PARD3: variants seen among roughly 807,000 people sequenced by gnomAD.
PARD3 encodes the protein par-3 family cell polarity regulator.
Under a neutral mutation model 155.4 loss-of-function variants are expected in PARD3, and 75 were observed. The observed-to-expected ratio is 0.48, with a 90% CI of 0.40 to 0.58. PARD3 has a LOEUF of 0.58. Ranked by LOEUF, PARD3 falls within the 20% of genes least tolerant of loss-of-function variation. The pLI is 0.00. For missense variants in PARD3, 1,642 were observed against 1,721.7 expected (o/e 0.95, Z 0.82); for synonymous variants, 576 against 610.5 (o/e 0.94, Z 0.83).
chr10:34,785,795 T>C (rs1020311435), intron 1 of PARD3, among the ~76,000 whole-genome samples: 1 of 152,086 alleles, frequency 6.6e-6, no homozygotes, highest in Non-Finnish European at 1.5e-5. Flanking sequence ...TATCTAGACA[T>C]TAGGAAACTT....
chr10:34,451,393 G>A (rs2077047694), intron 4 of PARD3, among the ~76,000 whole-genome samples: 2 of 152,100 alleles, frequency 1.3e-5, no homozygotes, highest in African/African-American at 4.8e-5. Flanking sequence ...ATTATCCTTA[G>A]TAACACTGTT....
chr10:34,795,480 C>T (rs1278487168), intron 1 of PARD3, among the ~76,000 whole-genome samples: 4 of 151,928 alleles, frequency 2.6e-5, no homozygotes, highest in Admixed American at 6.6e-5. Context: ...CATGGTGGCA[C>T]GCATCTGTAG....
intron 15 of PARD3, chr10:34,346,363 T>C: frequency 3.1e-6 from 4 of 1,301,568 alleles, no homozygotes; most frequent in Non-Finnish European, 4.0e-6. Flanking sequence ...TTCGCCTTCC[T>C]CTGAAGCATC....
chr10:34,523,595 C>G (rs542067212), intron 2 of PARD3, among the ~76,000 whole-genome samples: 24 of 152,066 alleles, frequency 1.6e-4, no homozygotes, highest in Non-Finnish European at 2.8e-4. Context: ...GCTTAGTCAA[C>G]AAGAAGCACA....
At chr10:34,509,848 T>G (rs2081299430) in intron 3 of PARD3, among the ~76,000 whole-genome samples, 1 of 152,102 alleles carries the variant, frequency 6.6e-6, no homozygotes, top group Non-Finnish European at 1.5e-5. Context: ...GATGTACAAC[T>G]GTGCATAAAA....
At chr10:34,541,853 C>G (rs1312817217) in intron 2 of PARD3, among the ~76,000 whole-genome samples, 2 of 152,056 alleles carry the variant, frequency 1.3e-5, no homozygotes, top group African/African-American at 4.8e-5. Flanking sequence ...AGAGTCAAAA[C>G]AGCTCATCTT....
intron 2 of PARD3, among the ~76,000 whole-genome samples, chr10:34,602,199 A>C (rs909537716): frequency 1.3e-5 from 2 of 152,246 alleles, no homozygotes; most frequent in African/African-American, 2.4e-5. Flanking sequence ...CAACGCTGTT[A>C]TTCATTACTG....
At chr10:34,691,338 T>C (rs1564513519) in intron 2 of PARD3, among the ~76,000 whole-genome samples, 1 of 151,832 alleles carries the variant, frequency 6.6e-6, no homozygotes, top group Non-Finnish European at 1.5e-5. Context: ...ACAATCCCAT[T>C]CCCAATAGCC....
chr10:34,676,239 C>A (rs144805042), intron 2 of PARD3, among the ~76,000 whole-genome samples: 6 of 152,162 alleles, frequency 3.9e-5, no homozygotes, highest in African/African-American at 9.7e-5. Context: ...ATGTTTTCTA[C>A]GGAAACCTTA....
At chr10:34,446,410 T>C (rs1262264763) in intron 5 of PARD3, among the ~76,000 whole-genome samples, 1 of 152,116 alleles carries the variant, frequency 6.6e-6, no homozygotes, top group African/African-American at 2.4e-5. Flanking sequence ...GGGTATTGTA[T>C]CACTTGACAC....
intron 2 of PARD3, among the ~76,000 whole-genome samples, chr10:34,519,105 G>A (rs1224642595): frequency 6.6e-6 from 1 of 152,154 alleles, no homozygotes; most frequent in African/African-American, 2.4e-5. Context: ...CTCTCCAAAA[G>A]TATCAAGGGT....
rs1842716673 is a variant in PARD3 at position 34,389,880 on chromosome 10, G to T, written c.891-5626C>A. On this transcript the variant is annotated intron_variant, in intron 7 of 24. Coordinates refer to ENST00000374788, the MANE Select transcript of PARD3 (RefSeq NM_001184785.2). ...GAATGAGATAAATCAGGCCAAAAAGGTAAATAAAAATGGAAAATTCCTTTA... is the reference window on the plus strand; with the variant it reads ...GAATGAGATAAATCAGGCCAAAAAGTTAAATAAAAATGGAAAATTCCTTTA... 2.6e-5 allele frequency among the ~76,000 whole-genome samples: 4 copies of T among 152,110 alleles called. No homozygotes were observed. The South Asian group carries it at 8.3e-4, about 32-fold the overall frequency.
chr10:34,629,116 C>A (rs186768642), intron 2 of PARD3, among the ~76,000 whole-genome samples: 11 of 152,242 alleles, frequency 7.2e-5, no homozygotes, highest in African/African-American at 2.4e-4. Context: ...CCAATTGGTG[C>A]GGTAATGAAA....
At chr10:34,467,328 C>CT (rs1301177495) in intron 4 of PARD3, among the ~76,000 whole-genome samples, 4 of 105,398 alleles carry the variant, frequency 3.8e-5, no homozygotes, top group Non-Finnish European at 7.2e-5. Flanking sequence ...ATGACTCCAA[C>CT]TTGTGTGTGT....
At chr10:34,244,239 T>TA (rs1243257136) in intron 22 of PARD3, among the ~76,000 whole-genome samples, 7 of 152,326 alleles carry the variant, frequency 4.6e-5, no homozygotes, top group African/African-American at 9.6e-5. Flanking sequence ...AATTTGAAAC[T>TA]AATTGAAGTA....
intron 22 of PARD3, among the ~76,000 whole-genome samples, chr10:34,192,376 G>A (rs1310507917): frequency 6.6e-6 from 1 of 152,168 alleles, no homozygotes; most frequent in African/African-American, 2.4e-5. Context: ...GGGATTACAG[G>A]CGTGAGCCAC....
At chr10:34,697,773 A>T (rs2094202690) in intron 1 of PARD3, among the ~76,000 whole-genome samples, 2 of 149,910 alleles carry the variant, frequency 1.3e-5, no homozygotes, top group African/African-American at 4.9e-5. Context: ...ACAAACACTC[A>T]CACACACACA....
intron 22 of PARD3, among the ~76,000 whole-genome samples, chr10:34,150,267 A>T (rs2132951488): frequency 6.6e-6 from 1 of 152,314 alleles, no homozygotes; most frequent in African/African-American, 2.4e-5. Flanking sequence ...GGAGAGACAT[A>T]GAGTGGGTCA....
At chr10:34,490,881 A>C (rs537518752) in intron 3 of PARD3, among the ~76,000 whole-genome samples, 1 of 152,310 alleles carries the variant, frequency 6.6e-6, no homozygotes, top group African/African-American at 2.4e-5. Context: ...CAGGATCCCC[A>C]TCAGAAATAC....
Sources: allele counts gnomAD v4.1 joint callset (sites outside exome capture counted in the v4.1 genomes callset), GRCh38; gene constraint gnomAD v4.1.1; transcripts MANE v1.5; gene names NCBI Gene and HGNC (gene_info 2026-07-23, HGNC 2026-07-21).